THSD7B: variants seen among roughly 807,000 people sequenced by gnomAD.
THSD7B encodes the protein thrombospondin type-1 domain-containing protein 7B.
In THSD7B, 138 loss-of-function variants were observed where a neutral mutation model predicts 213.6. The observed-to-expected ratio is 0.65, with a 90% CI of 0.56 to 0.74. The LOEUF is 0.74. THSD7B is among the 30% of genes least tolerant of loss of function. The pLI is 0.00. For synonymous variants in THSD7B, 742 were observed against 687.0 expected (o/e 1.08, Z -1.25); for missense variants, 1,931 against 1,991.5 (o/e 0.97, Z 0.58).
chr2:137,309,953 G>A (rs942521464), intron 12 of THSD7B, among the ~76,000 whole-genome samples: 1 of 151,830 alleles, frequency 6.6e-6, no homozygotes, highest in Non-Finnish European at 1.5e-5. Flanking sequence ...TGTGAATAAT[G>A]CTGCAATAAA....
intron 12 of THSD7B, among the ~76,000 whole-genome samples, chr2:137,377,853 C>T (rs1394895056): frequency 6.6e-6 from 1 of 152,036 alleles, no homozygotes; most frequent in East Asian, 1.9e-4. Context: ...TCTCAAACTC[C>T]TGACCTCGTG....
intron 17 of THSD7B, among the ~76,000 whole-genome samples, chr2:137,599,340 C>T (rs1682031094): frequency 6.6e-6 from 1 of 152,088 alleles, no homozygotes; most frequent in Non-Finnish European, 1.5e-5. Context: ...GCCACAGACA[C>T]TTCTCAAAAG....
chr2:136,827,237 G>A (rs1353871753), intron 1 of THSD7B, among the ~76,000 whole-genome samples: 2 of 152,116 alleles, frequency 1.3e-5, no homozygotes, highest in Non-Finnish European at 2.9e-5. Flanking sequence ...GGAGTACATA[G>A]CATAATATAG....
intron 2 of THSD7B, among the ~76,000 whole-genome samples, chr2:136,927,438 C>T (rs998875519): frequency 1.2e-4 from 19 of 152,078 alleles, no homozygotes; most frequent in African/African-American, 4.3e-4. Context: ...GAGGTTTTTC[C>T]TCTGCTGCCA....
intron 1 of THSD7B, among the ~76,000 whole-genome samples, chr2:136,794,362 A>C (rs77367029): frequency 6.6e-6 from 1 of 151,698 alleles, no homozygotes; most frequent in Non-Finnish European, 1.5e-5. Flanking sequence ...CCCATTAGGC[A>C]TTGCCTTAGT....
chr2:137,618,367 A>C, intron 18 of THSD7B, 25 bp from the exon 19 acceptor site: 1 of 1,602,966 alleles, frequency 6.2e-7, no homozygotes, highest in Non-Finnish European at 8.5e-7. Flanking sequence ...TTTGAAACTC[A>C]GTGTGGGTGA....
rs146413372 is a variant in THSD7B at position 137,032,348 on chromosome 2, G to C, written c.140-24072G>C. ...CTTAAATGGCATTTCCTCAAAAACA[G>C]AGACCCTACCCTGTCTTAGTTATCT... On this transcript the variant is annotated intron_variant, in intron 2 of 27. Transcript: ENST00000409968. 5.7e-3 allele frequency among the ~76,000 whole-genome samples: 875 copies of C among 152,226 alleles called. 9 individuals are homozygous for C. The highest frequency in any genetic ancestry group is 0.02 in the African/African-American group (835 of 41,550).
At chr2:137,594,950 A>C (rs903863316) in intron 17 of THSD7B, among the ~76,000 whole-genome samples, 1 of 151,944 alleles carries the variant, frequency 6.6e-6, no homozygotes, top group Admixed American at 6.6e-5. Flanking sequence ...CTATAATTTT[A>C]TGTTTTTAAT....
chr2:137,270,291 G>A (rs1218185278), intron 10 of THSD7B, among the ~76,000 whole-genome samples: 3 of 151,870 alleles, frequency 2.0e-5, no homozygotes, highest in African/African-American at 7.3e-5. Flanking sequence ...CCAATAAGCC[G>A]GGGGGCTACT....
At chr2:137,586,790 T>C (rs1043119495) in intron 17 of THSD7B, among the ~76,000 whole-genome samples, 1 of 152,222 alleles carries the variant, frequency 6.6e-6, no homozygotes, top group Non-Finnish European at 1.5e-5. Context: ...ATTTCAACTT[T>C]CGTGAATCTG....
intron 2 of THSD7B, among the ~76,000 whole-genome samples, chr2:136,900,903 T>C (rs1391883035): frequency 6.6e-6 from 1 of 152,206 alleles, no homozygotes; most frequent in African/African-American, 2.4e-5. Context: ...GGTGAGTATA[T>C]GTTTTTAGAT....
At chr2:137,448,800 A>AAAT (rs1553450620) in intron 14 of THSD7B, among the ~76,000 whole-genome samples, 73 of 144,994 alleles carry the variant, frequency 5.0e-4, no homozygotes, top group African/African-American at 1.8e-3. Context: ...CTCCATCTCA[A>AAAT]AACAACAACA....
chr2:137,323,439 C>T (rs1054065902), intron 12 of THSD7B, among the ~76,000 whole-genome samples: 1 of 152,142 alleles, frequency 6.6e-6, no homozygotes, highest in Non-Finnish European at 1.5e-5. Flanking sequence ...ATAACCTTAC[C>T]ACATCCTTCT....
chr2:137,607,241 C>A (rs1453357228), intron 17 of THSD7B, among the ~76,000 whole-genome samples: 1 of 150,130 alleles, frequency 6.7e-6, no homozygotes, highest in African/African-American at 2.4e-5. Context: ...ATTTGCACCA[C>A]CAATTATTAA....
intron 4 of THSD7B, among the ~76,000 whole-genome samples, chr2:137,108,693 T>G (rs1232321476): frequency 6.6e-6 from 1 of 152,192 alleles, no homozygotes. Flanking sequence ...GCATCTACCT[T>G]TTGAGAATGA....
At chr2:137,059,783 C>T (rs1687236692) in intron 3 of THSD7B, among the ~76,000 whole-genome samples, 1 of 152,130 alleles carries the variant, frequency 6.6e-6, no homozygotes, top group African/African-American at 2.4e-5. Context: ...TACTGAAGTA[C>T]ATCTTGGTTG....
rs773356952 is a variant in THSD7B at position 137,618,380 on chromosome 2, C to CTATGCCTG, written c.3566-9_3566-2dup. The CTATGCCTG allele has an allele frequency of 1.2e-6, 2 of 1,612,148 alleles. No individual in the cohort carries two copies. The highest frequency in any genetic ancestry group is 1.7e-6 in the Non-Finnish European group (2 of 1,178,676). Reference sequence around the variant, plus strand: ...ATTTTGAAACTCAGTGTGGGTGATCCTATGCCTGTAGAGTGGAGCACATGC... The same window carrying CTATGCCTG: ...ATTTTGAAACTCAGTGTGGGTGATCCTATGCCTGTATGCCTGTAGAGTGGAGCACATGC... On this transcript the variant is annotated splice_polypyrimidine_tract_variant and intron_variant, in intron 18 of 27. Transcript: ENST00000409968.
intron 15 of THSD7B, among the ~76,000 whole-genome samples, chr2:137,495,602 C>G (rs890697017): frequency 2.0e-5 from 3 of 152,116 alleles, no homozygotes; most frequent in African/African-American, 7.2e-5. Context: ...AGACCCAACA[C>G]TCATCTCTCA....
At chr2:137,075,880 A>G (rs1029082774) in intron 3 of THSD7B, among the ~76,000 whole-genome samples, 1 of 152,198 alleles carries the variant, frequency 6.6e-6, no homozygotes, top group Non-Finnish European at 1.5e-5. Flanking sequence ...GGGTATCAGC[A>G]GCGGTGGCTG....
Sources: gnomAD v4.1 joint callset for allele counts (sites outside exome capture counted in the v4.1 genomes callset) on GRCh38, gnomAD v4.1.1 for gene constraint, MANE v1.5 for transcripts, NCBI Gene and HGNC (gene_info 2026-07-23, HGNC 2026-07-21) for gene names.